The following RFX3 variants were observed in gnomAD, a reference collection of about 807,000 sequenced individuals.
RFX3 encodes regulatory factor X3.
A neutral mutation model predicts 98.6 loss-of-function variants in RFX3; 14 were observed. The ratio of observed to expected loss-of-function variants is 0.14; its 90% CI spans 0.09 to 0.22. The LOEUF is 0.22. Ranked by LOEUF, RFX3 falls within the 10% of genes least tolerant of loss-of-function variation. The pLI, the probability that RFX3 is intolerant of heterozygous loss-of-function variation, is 1.00. For missense variants in RFX3, 639 were observed against 926.9 expected (o/e 0.69, Z 4.03); for synonymous variants, 383 against 328.4 (o/e 1.17, Z -1.80).
intron 1 of RFX3, among the ~76,000 whole-genome samples, chr9:3,410,949 A>G (rs188980442): frequency 9.8e-5 from 15 of 152,328 alleles, no homozygotes; most frequent in South Asian, 2.1e-4. Context: ...AAAGCAAGGT[A>G]GAAGCAAACA....
chr9:3,383,124 T>G lies in RFX3; in HGVS notation c.117+12348A>C, dbSNP rs542787528. On this transcript the variant is annotated intron_variant, in intron 2 of 16. Transcript: ENST00000617270. ...TATTCCTTTCCGCAGATTACCCAGA[T>G]GCTAATATTTTACTACATGGATTTT... 4.2e-4 allele frequency among the ~76,000 whole-genome samples: 64 copies of G among 152,306 alleles called. 1 individual carries two copies. In the South Asian group the frequency reaches 8.1e-3, roughly 19 times the overall value.
chr9:3,461,960 G>C (rs532698418), intron 1 of RFX3, among the ~76,000 whole-genome samples: 1 of 152,050 alleles, frequency 6.6e-6, no homozygotes, highest in East Asian at 1.9e-4. Context: ...TCTTATTTCA[G>C]TCACAAGAAA....
intron 1 of RFX3, among the ~76,000 whole-genome samples, chr9:3,439,674 C>G (rs1845457251): frequency 6.6e-6 from 1 of 151,940 alleles, no homozygotes; most frequent in Admixed American, 6.6e-5. Context: ...AAGGAAAACT[C>G]CGGCTCAAAT....
rs370596453 is a variant in RFX3, at chr9:3,429,123, T to C, written c.-8-33527A>G. ...CTGCAAGCTCCGCCTCCCGGGTTCA[T>C]GCCATTCTCCTGCCTCAGCCTCCCA... On this transcript the variant is annotated intron_variant, in intron 1 of 16. Coordinates refer to ENST00000617270, the MANE Select transcript of RFX3 (RefSeq NM_001282116.2). Among the ~76,000 whole-genome samples the C allele has an allele frequency of 4.0e-3, 601 of 150,834 alleles. 3 individuals carry two copies. Among genetic ancestry groups the C allele is most frequent in the South Asian group, 0.024 (116 of 4,796 alleles).
At chr9:3,504,827 A>G (rs1366298636) in intron 1 of RFX3, among the ~76,000 whole-genome samples, 3 of 90,848 alleles carry the variant, frequency 3.3e-5, no homozygotes, top group African/African-American at 1.0e-4. Context: ...ATTATATATA[A>G]AATATGTATA....
chr9:3,263,307 C>T (rs1466037042), intron 12 of RFX3, among the ~76,000 whole-genome samples: 1 of 152,178 alleles, frequency 6.6e-6, no homozygotes, highest in Non-Finnish European at 1.5e-5. Context: ...AAAACAAACT[C>T]CCACATTCTT....
At chr9:3,270,556 A>T in intron 10 of RFX3, 31 bp from the exon 11 acceptor site, 4 of 1,596,408 alleles carry the variant, frequency 2.5e-6, no homozygotes, top group Non-Finnish European at 3.4e-6. Flanking sequence ...AAATGAATAG[A>T]TGGCAAATGA....
intron 1 of RFX3, among the ~76,000 whole-genome samples, chr9:3,507,867 T>C (rs536006635): frequency 2.5e-4 from 38 of 152,022 alleles, no homozygotes; most frequent in African/African-American, 7.9e-4. Flanking sequence ...CAAATGCAGA[T>C]CCCACAGATA....
intron 2 of RFX3, among the ~76,000 whole-genome samples, chr9:3,394,267 T>A (rs567299510): frequency 9.6e-4 from 146 of 152,000 alleles, no homozygotes; most frequent in African/African-American, 3.2e-3. Flanking sequence ...ATCGAGACCA[T>A]CCTGGCTAAC....
intron 7 of RFX3, among the ~76,000 whole-genome samples, chr9:3,285,777 T>G (rs1341945726): frequency 1.3e-5 from 2 of 151,766 alleles, no homozygotes; most frequent in Admixed American, 6.6e-5. Flanking sequence ...TTCAATTTAT[T>G]AATACTACTG....
At position 3,346,719 on chromosome 9, in the gene RFX3, C is replaced by A. The variant is rs200958644; in HGVS notation, c.163G>T (p.Ala55Ser). 2.0e-5 allele frequency: 33 copies of A among 1,613,518 alleles called. No individual in the cohort carries two copies. The highest frequency in any genetic ancestry group is 8.9e-5 in the East Asian group (4 of 44,872). Residue 55 changes from alanine to serine, a missense_variant, in exon 3 of 17, where the codon GCT (alanine) becomes TCT (serine). Physicochemically the swap from Ala to Ser is moderately conservative, Grantham distance 99. This residue lies in a region of RFX3 where 210 missense variants were observed against 197.7 expected (regional missense o/e 1.06). Coordinates refer to ENST00000617270, the MANE Select transcript of RFX3 (RefSeq NM_001282116.2). ...CTTCCTTCCACATACTGCACCTGAG[C>A]GGGATAGACATGTTGTACCTGCTGC... ...TVQQVQHVYP[A>S]QVQYVEGSDT...
intron 1 of RFX3, among the ~76,000 whole-genome samples, chr9:3,479,116 G>A (rs559076883): frequency 6.6e-6 from 1 of 152,214 alleles, no homozygotes. Context: ...TGGAGAGAGA[G>A]ATGAGAATAA....
rs546130216 is a variant in RFX3 at position 3,448,549 on chromosome 9, G to A, written c.-8-52953C>T. 2.6e-5 allele frequency among the ~76,000 whole-genome samples: 4 copies of A among 152,056 alleles called. No homozygotes were observed. The East Asian group carries it at 7.7e-4, about 29-fold the overall frequency. On this transcript the variant is annotated intron_variant, in intron 1 of 16. Transcript: ENST00000617270. ...AAAAAATAGAGAAGGGTCTCATTCT[G>A]TCGCCCAGGCTAGACTGCGGTGGCG...
intron 1 of RFX3, among the ~76,000 whole-genome samples, chr9:3,453,315 C>T (rs1224050129): frequency 6.6e-6 from 1 of 151,914 alleles, no homozygotes; most frequent in African/African-American, 2.4e-5. Flanking sequence ...GAACTAAATA[C>T]TTATCACTAA....
intron 15 of RFX3, among the ~76,000 whole-genome samples, chr9:3,239,090 A>T (rs1003691794): frequency 6.6e-6 from 1 of 152,158 alleles, no homozygotes; most frequent in Non-Finnish European, 1.5e-5. Context: ...GAAAAGAAAC[A>T]TCTTGAAATT....
rs1196656164 is a variant in RFX3 at position 3,364,699 on chromosome 9, G to C, written c.118-17935C>G. 2 of 157,054 alleles carry C rather than the reference G, an allele frequency of 1.3e-5. 1 individual carries two copies. Among genetic ancestry groups the C allele is most frequent in the African/African-American group, 4.8e-5 (2 of 41,440 alleles). The allele number at this position is 157,054 out of a possible 1,614,324, so 9.7% of individuals were successfully genotyped here. A position where few individuals can be genotyped will look rare whatever the true frequency, so the allele number is the denominator to read the frequency against. On this transcript the variant is annotated intron_variant, in intron 2 of 16. Coordinates refer to ENST00000617270, the MANE Select transcript of RFX3 (RefSeq NM_001282116.2). ...TTGTTCATTTGCTGACTTCAGGTTTGGATATCCCCATGAAATATATGGTTC... is the reference window on the plus strand; with the variant it reads ...TTGTTCATTTGCTGACTTCAGGTTTCGATATCCCCATGAAATATATGGTTC...
intron 4 of RFX3, among the ~76,000 whole-genome samples, chr9:3,319,001 A>C (rs774406018): frequency 6.6e-6 from 1 of 152,266 alleles, no homozygotes; most frequent in Non-Finnish European, 1.5e-5. Flanking sequence ...GACATCAAGT[A>C]CAAAAGCACT....
chr9:3,303,833 C>T (rs1828958052), intron 4 of RFX3, among the ~76,000 whole-genome samples: 1 of 151,984 alleles, frequency 6.6e-6, no homozygotes. Context: ...TCCCCAGGAA[C>T]AGATACACTG....
rs993946710 is a variant in RFX3, at chr9:3,231,022, G to T, written c.1969-2133C>A. ...CGAATAATACATTTGATAATTCAGA[G>T]GCTGAAAACAGAAACCAAAACAGCT... On this transcript the variant is annotated intron_variant, in intron 15 of 16. Coordinates refer to ENST00000617270, the MANE Select transcript of RFX3 (RefSeq NM_001282116.2). Among the ~76,000 whole-genome samples, 22 of 152,248 alleles carry T rather than the reference G, an allele frequency of 1.4e-4. 1 individual carries two copies. In the East Asian group the frequency reaches 4.2e-3, roughly 29 times the overall value.
Sources: allele counts gnomAD v4.1 joint callset (sites outside exome capture counted in the v4.1 genomes callset), GRCh38; gene constraint gnomAD v4.1.1; regional missense constraint gnomAD v4.1.1; transcripts MANE v1.5; gene names NCBI Gene and HGNC (gene_info 2026-07-23, HGNC 2026-07-21).